Variants in DNAH17 observed in about 807,000 individuals in gnomAD.
DNAH17 encodes the protein dynein axonemal heavy chain 17.
DNAH17 carries 376 observed loss-of-function variants against 485.6 expected under a neutral mutation model. The observed-to-expected ratio is 0.77, with a 90% CI of 0.71 to 0.84. The LOEUF is 0.84. Ranked by LOEUF, DNAH17 falls within the 40% of genes least tolerant of loss-of-function variation. The pLI, the probability that DNAH17 is intolerant of heterozygous loss-of-function variation, is 0.00. For synonymous variants in DNAH17, 3,031 were observed against 2,405.9 expected (o/e 1.26, Z -7.60); for missense variants, 6,370 against 5,839.3 (o/e 1.09, Z -2.96).
intron 54 of DNAH17, among the ~76,000 whole-genome samples, chr17:78,473,885 TG>T (rs1221910272): frequency 7.6e-4 from 115 of 152,298 alleles, no homozygotes; most frequent in African/African-American, 2.5e-3. Flanking sequence ...GATACCAATG[TG>T]AACTAACTCC....
At chr17:78,482,069 A>C (rs116028733) in intron 48 of DNAH17, among the ~76,000 whole-genome samples, 20,449 of 114,544 alleles carry the variant, frequency 0.18, 1,600 homozygotes, top group South Asian at 0.29. Flanking sequence ...TACACTAGTT[A>C]CTTTTTTTTT....
At chr17:78,458,457 G>A (rs1346658546) in intron 62 of DNAH17, 108 bp downstream of exon 62, 12 of 907,232 alleles carry the variant, frequency 1.3e-5, no homozygotes, top group Middle Eastern at 3.2e-4. Flanking sequence ...GTGGCAACCT[G>A]GCTGCTTCCA....
intron 14 of DNAH17, among the ~76,000 whole-genome samples, chr17:78,553,395 G>A (rs758619278): frequency 2.4e-4 from 34 of 140,796 alleles, no homozygotes; most frequent in Non-Finnish European, 3.9e-4. Context: ...TCTGCCTCCC[G>A]GGTTCAAGCA....
intron 58 of DNAH17, 113 bp downstream of exon 58, chr17:78,461,431 T>C: frequency 8.6e-7 from 1 of 1,168,334 alleles, no homozygotes; most frequent in Non-Finnish European, 1.1e-6. Context: ...TCCTTCTATG[T>C]AAGTCTCAGC....
At chr17:78,534,274 G>A (rs1273655996) in intron 19 of DNAH17, among the ~76,000 whole-genome samples, 1 of 152,206 alleles carries the variant, frequency 6.6e-6, no homozygotes, top group Non-Finnish European at 1.5e-5. Flanking sequence ...AGATGTGCAT[G>A]GAGATCTTGT....
intron 56 of DNAH17, 37 bp from the exon 57 acceptor site, chr17:78,463,114 C>T (rs755743205): frequency 1.1e-5 from 17 of 1,597,076 alleles, no homozygotes; most frequent in Non-Finnish European, 1.5e-5. Flanking sequence ...CCTGGGACCC[C>T]ATCCTGCAAA....
chr17:78,509,553 A>G (rs1162969451), intron 27 of DNAH17, among the ~76,000 whole-genome samples: 1 of 152,226 alleles, frequency 6.6e-6, no homozygotes, highest in Non-Finnish European at 1.5e-5. Flanking sequence ...TTTTTAAAGC[A>G]AGTCAAAATG....
chr17:78,463,183 G>A (rs1417385959), intron 56 of DNAH17, 106 bp from the exon 57 acceptor site: 34 of 987,276 alleles, frequency 3.4e-5, no homozygotes, highest in Non-Finnish European at 4.7e-5. Context: ...CCCTGAGACC[G>A]CTCTCAACCT....
intron 25 of DNAH17, among the ~76,000 whole-genome samples, chr17:78,520,275 TA>T (rs1272318461): frequency 3.3e-5 from 5 of 152,296 alleles, no homozygotes; most frequent in African/African-American, 1.2e-4. Flanking sequence ...CTAATATACA[TA>T]ATGGCAAAGT....
Position 78,429,306 on chromosome 17 carries a change from G to A in DNAH17, c.12226-6C>T, listed in dbSNP as rs369417103. 65 of 1,612,086 alleles carry A rather than the reference G, an allele frequency of 4.0e-5. No individual in the cohort carries two copies. The highest frequency in any genetic ancestry group is 3.7e-4 in the African/African-American group (28 of 75,042). ...CGGAGATCGTCCCAGGGCACCTGAG[G>A]AAGGATGACAGCGGGTAGGGGAAAG... is the stretch of plus-strand genomic sequence containing the variant. On this transcript the variant is annotated splice_region_variant and splice_polypyrimidine_tract_variant and intron_variant, in intron 75 of 80. Transcript: ENST00000389840.
rs936464605 is a variant in DNAH17 at position 78,471,635 on chromosome 17, C to T, written c.8512-2752G>A. Among the ~76,000 whole-genome samples the T allele has an allele frequency of 3.3e-5, 5 of 152,220 alleles. No homozygotes were observed. The East Asian group carries it at 5.8e-4, about 18-fold the overall frequency. ...CTCGACCTCCTGGGCTCAAGGGATC[C>T]TCCTTGCCTTGGCCTCTCAAAGTGC... On this transcript the variant is annotated intron_variant, in intron 54 of 80. Coordinates refer to ENST00000389840, the MANE Select transcript of DNAH17 (RefSeq NM_173628.4).
At chr17:78,467,624 T>C (rs1598503627) in intron 55 of DNAH17, among the ~76,000 whole-genome samples, 2 of 152,172 alleles carry the variant, frequency 1.3e-5, no homozygotes, top group South Asian at 4.1e-4. Context: ...CCAGGAGAGC[T>C]ATGGGATTGG....
chr17:78,450,439 G>A (rs2087497927), intron 67 of DNAH17, 45 bp from the exon 68 acceptor site: 2 of 1,608,072 alleles, frequency 1.2e-6, no homozygotes, highest in Non-Finnish European at 1.7e-6. Flanking sequence ...CAGATGGGCA[G>A]TGCCATGAGC....
chr17:78,517,351 A>G (rs2090815147), intron 25 of DNAH17, among the ~76,000 whole-genome samples: 1 of 152,234 alleles, frequency 6.6e-6, no homozygotes, highest in African/African-American at 2.4e-5. Context: ...GCCGGATTTG[A>G]AAAAAGTTCA....
At chr17:78,535,882 C>T (rs1467601490) in intron 19 of DNAH17, among the ~76,000 whole-genome samples, 1 of 152,236 alleles carries the variant, frequency 6.6e-6, no homozygotes, top group African/African-American at 2.4e-5. Flanking sequence ...AGCCACTCCC[C>T]TCTTCCACAA....
intron 24 of DNAH17, 73 bp from the exon 25 acceptor site, chr17:78,525,234 T>C: frequency 1.3e-6 from 2 of 1,553,180 alleles, no homozygotes; most frequent in Non-Finnish European, 1.7e-6. Flanking sequence ...CCCGACGTTC[T>C]GCCCGTCTCT....
intron 25 of DNAH17, among the ~76,000 whole-genome samples, chr17:78,524,101 C>T (rs78076366): frequency 0.011 from 1,633 of 152,178 alleles, 27 homozygotes; most frequent in African/African-American, 0.035. Flanking sequence ...ATGAGGTCAT[C>T]GGGGCGTGGC....
intron 75 of DNAH17, among the ~76,000 whole-genome samples, chr17:78,431,457 C>CCCCA (rs1003682284): frequency 2.7e-5 from 4 of 148,200 alleles, no homozygotes; most frequent in Admixed American, 6.6e-5. Flanking sequence ...AACCCCCCAC[C>CCCCA]CCGAGACTCC....
intron 79 of DNAH17, 152 bp from the exon 80 acceptor site, chr17:78,425,723 C>T (rs867787715): frequency 1.8e-6 from 1 of 549,364 alleles, no homozygotes; most frequent in Non-Finnish European, 3.0e-6. Flanking sequence ...CCATGGAGCC[C>T]AGCCACCTAC....
Sources: allele counts gnomAD v4.1 joint callset (sites outside exome capture counted in the v4.1 genomes callset), GRCh38; gene constraint gnomAD v4.1.1; transcripts MANE v1.5; gene names NCBI Gene and HGNC (gene_info 2026-07-23, HGNC 2026-07-21).